ERBB4: variants seen among roughly 807,000 people sequenced by gnomAD.
The protein encoded by ERBB4 is erb-b2 receptor tyrosine kinase 4, also known as receptor tyrosine-protein kinase erbB-4.
In ERBB4, 42 loss-of-function variants were observed where a neutral mutation model predicts 158.0. That is an observed-to-expected ratio of 0.27 (90% CI 0.21 to 0.34). ERBB4 has a LOEUF of 0.34. Among genes scored for constraint, ERBB4 ranks in the 10% least tolerant of loss-of-function variants. The probability of loss-of-function intolerance (pLI) is 1.00; values close to 1 mark genes in which losing one functional copy is unlikely to be tolerated. For synonymous variants in ERBB4, 583 were observed against 558.7 expected (o/e 1.04, Z -0.61); for missense variants, 1,333 against 1,624.1 (o/e 0.82, Z 3.08).
At chr2:212,385,209 T>TG (rs2090635962) in intron 1 of ERBB4, among the ~76,000 whole-genome samples, 1 of 151,652 alleles carries the variant, frequency 6.6e-6, no homozygotes, top group Admixed American at 6.6e-5. Context: ...TTCTGCAAGA[T>TG]TTACTTCAGC....
intron 9 of ERBB4, among the ~76,000 whole-genome samples, chr2:211,707,585 C>T (rs553687626): frequency 6.6e-6 from 1 of 152,246 alleles, no homozygotes; most frequent in African/African-American, 2.4e-5. Flanking sequence ...CTCATTGTGA[C>T]ACAACATGAA....
intron 3 of ERBB4, among the ~76,000 whole-genome samples, chr2:211,923,985 G>C (rs1258755833): frequency 1.3e-5 from 2 of 152,126 alleles, no homozygotes. Flanking sequence ...GCCTCCCAAA[G>C]TGCTGGGATT....
In ERBB4 at chr2:211,887,098, G is replaced by A. The variant is rs538176900; in HGVS notation, c.421+60332C>T. 2.0e-5 allele frequency among the ~76,000 whole-genome samples: 3 copies of A among 152,062 alleles called. No individual in the cohort carries two copies. In the South Asian group the frequency reaches 6.2e-4, roughly 32 times the overall value. On this transcript the variant is annotated intron_variant, in intron 3 of 27. Transcript: ENST00000342788. ...TACTTAATTGGCTCTGGTAATATAT[G>A]CCAACTCTCATTGTTTTATTCAGCC...
At chr2:212,439,792 G>A (rs1248113476) in intron 1 of ERBB4, among the ~76,000 whole-genome samples, 1 of 152,112 alleles carries the variant, frequency 6.6e-6, no homozygotes, top group Non-Finnish European at 1.5e-5. Context: ...TCCAACACCT[G>A]AGGAAAGTAT....
intron 1 of ERBB4, among the ~76,000 whole-genome samples, chr2:212,473,948 G>C (rs1465460652): frequency 6.6e-6 from 1 of 151,926 alleles, no homozygotes; most frequent in African/African-American, 2.4e-5. Flanking sequence ...TAGGAAAAAA[G>C]GTGGCTTTGA....
At chr2:212,235,215 T>G (rs2083818918) in intron 1 of ERBB4, among the ~76,000 whole-genome samples, 1 of 152,120 alleles carries the variant, frequency 6.6e-6, no homozygotes, top group Admixed American at 6.6e-5. Flanking sequence ...TTCCCCAACA[T>G]CATTTATTAA....
chr2:212,211,861 C>A (rs914542415), intron 1 of ERBB4, among the ~76,000 whole-genome samples: 1 of 151,984 alleles, frequency 6.6e-6, no homozygotes, highest in African/African-American at 2.4e-5. Flanking sequence ...TGGCTTATAG[C>A]TTCATACATG....
At chr2:212,260,021 A>G (rs976429312) in intron 1 of ERBB4, among the ~76,000 whole-genome samples, 2 of 151,590 alleles carry the variant, frequency 1.3e-5, no homozygotes, top group Admixed American at 1.3e-4. Flanking sequence ...GTGAACCGAG[A>G]TCGTGCCATT....
chr2:212,337,637 A>C (rs2088507214), intron 1 of ERBB4, among the ~76,000 whole-genome samples: 1 of 152,106 alleles, frequency 6.6e-6, no homozygotes, highest in Non-Finnish European at 1.5e-5. Flanking sequence ...AAGTCTGAGA[A>C]TGTGCATTTT....
chr2:212,303,988 T>C (rs984516870), intron 1 of ERBB4, among the ~76,000 whole-genome samples: 8 of 151,564 alleles, frequency 5.3e-5, no homozygotes, highest in Non-Finnish European at 1.0e-4. Flanking sequence ...ACTCAAGAAG[T>C]AGAAAATATA....
intron 1 of ERBB4, among the ~76,000 whole-genome samples, chr2:212,235,769 T>C (rs565481102): frequency 6.6e-6 from 1 of 152,298 alleles, no homozygotes; most frequent in South Asian, 2.1e-4. Context: ...GCTCTCTCTT[T>C]GTCTATTATT....
At chr2:211,557,677 A>T (rs575427309) in intron 20 of ERBB4, among the ~76,000 whole-genome samples, 1 of 152,256 alleles carries the variant, frequency 6.6e-6, no homozygotes, top group East Asian at 1.9e-4. Flanking sequence ...TGGGAGCATA[A>T]ATTAGTTCAA....
chr2:211,981,808 G>A (rs1025965691), intron 2 of ERBB4, among the ~76,000 whole-genome samples: 1 of 152,170 alleles, frequency 6.6e-6, no homozygotes, highest in Non-Finnish European at 1.5e-5. Context: ...ATCCACATGA[G>A]TATGTGCACA....
chr2:211,513,835 TG>T (rs371212968), intron 20 of ERBB4, among the ~76,000 whole-genome samples: 1 of 151,874 alleles, frequency 6.6e-6, no homozygotes, highest in Admixed American at 6.6e-5. Context: ...TTTATATTTT[TG>T]GGGGGGATTA....
intron 2 of ERBB4, among the ~76,000 whole-genome samples, chr2:212,020,655 T>A (rs11678167): frequency 5.9e-5 from 9 of 152,054 alleles, no homozygotes; most frequent in Admixed American, 5.9e-4. Flanking sequence ...CCTCATACAC[T>A]AAGAATAAAA....
chr2:212,056,857 G>T (rs1435018752), intron 2 of ERBB4, among the ~76,000 whole-genome samples: 1 of 152,196 alleles, frequency 6.6e-6, no homozygotes, highest in Non-Finnish European at 1.5e-5. Flanking sequence ...ATGCTAGGAA[G>T]AAATGGCATC....
At chr2:212,421,522 T>G (rs189371174) in intron 1 of ERBB4, among the ~76,000 whole-genome samples, 13 of 152,292 alleles carry the variant, frequency 8.5e-5, no homozygotes, top group African/African-American at 2.6e-4. Context: ...TATTATAGTA[T>G]ATGAGAAACC....
chr2:212,036,952 G>A (rs1449558294), intron 2 of ERBB4, among the ~76,000 whole-genome samples: 1 of 152,128 alleles, frequency 6.6e-6, no homozygotes, highest in Non-Finnish European at 1.5e-5. Flanking sequence ...CAGAAATGCA[G>A]CTAGATTTTA....
At chr2:211,977,858 CA>C (rs34095237) in intron 2 of ERBB4, among the ~76,000 whole-genome samples, 20,647 of 109,834 alleles carry the variant, frequency 0.19, 1,506 homozygotes, top group Middle Eastern at 0.26. Context: ...AACTCCGTCT[CA>C]AAAAAAAAAA....
Sources: gnomAD v4.1 joint callset for allele counts (sites outside exome capture counted in the v4.1 genomes callset) on GRCh38, gnomAD v4.1.1 for gene constraint, MANE v1.5 for transcripts, NCBI Gene and HGNC (gene_info 2026-07-23, HGNC 2026-07-21) for gene names.